Variants in COG6 observed in about 807,000 individuals in gnomAD.
The protein encoded by COG6 is component of oligomeric golgi complex 6.
COG6 carries 74 observed loss-of-function variants against 88.8 expected under a neutral mutation model. The observed-to-expected ratio is 0.83, with a 90% CI of 0.69 to 1.01. The LOEUF is 1.01. Ranked by LOEUF, COG6 falls within the 50% of genes least tolerant of loss-of-function variation. The probability of loss-of-function intolerance (pLI) is 0.00; values close to 1 mark genes in which losing one functional copy is unlikely to be tolerated. For missense variants in COG6, 800 were observed against 797.9 expected, an observed-to-expected ratio of 1.00 and a Z score of -0.03; for synonymous variants, 286 against 278.7, an observed-to-expected ratio of 1.03 and a Z score of -0.26.
At position 39,665,114 on chromosome 13, in the gene COG6, C is replaced by G. The variant is rs1259563970; in HGVS notation, c.388C>G (p.Gln130Glu). The change falls in exon 4 of 19, where the codon CAA becomes GAA. Residue 130 changes from glutamine to glutamate, a missense_variant. Gln to Glu is a conservative substitution (Grantham distance 29, BLOSUM62 2). Transcript: ENST00000455146. ...SRLQAAKEQT[Q>E]DLIVKTTKLQ... ...ATTTTAGGCAGCAAAGGAACAGACT[C>G]AAGATTTAATAGTAAAAACCACTAA... The G allele has an allele frequency of 6.7e-7, 1 of 1,498,072 alleles. No individual in the cohort carries two copies. Among genetic ancestry groups the G allele is most frequent in the Non-Finnish European group, 9.3e-7 (1 of 1,075,418 alleles). The allele number at this position is 1,498,072 out of a possible 1,614,324, so 92.8% of individuals were successfully genotyped here. A position where few individuals can be genotyped will look rare whatever the true frequency, so the allele number is the denominator to read the frequency against.
intron 13 of COG6, among the ~76,000 whole-genome samples, chr13:39,701,252 G>T (rs1877562031): frequency 6.6e-6 from 1 of 151,718 alleles, no homozygotes; most frequent in Admixed American, 6.6e-5. Context: ...CAAATATCTA[G>T]AATGCAGAAA....
At chr13:39,755,967 C>T (rs920248470), downstream of COG6, among the ~76,000 whole-genome samples, 2 of 152,090 alleles carry the variant, frequency 1.3e-5, no homozygotes, top group East Asian at 3.8e-4. Flanking sequence ...CAACAACAAA[C>T]GGGGTGGGGC....
intron 11 of COG6, among the ~76,000 whole-genome samples, chr13:39,690,805 G>A (rs1450199218): frequency 6.6e-6 from 1 of 151,674 alleles, no homozygotes; most frequent in African/African-American, 2.4e-5. Flanking sequence ...TAAATAAATG[G>A]CTAAGTATCT....
intron 13 of COG6, among the ~76,000 whole-genome samples, chr13:39,715,216 A>AT (rs1566192369): frequency 6.6e-6 from 1 of 151,736 alleles, no homozygotes; most frequent in Non-Finnish European, 1.5e-5. Context: ...TTAAAAAAAA[A>AT]TTTTTAAAGA....
At chr13:39,693,509 T>G (rs769115754) in intron 11 of COG6, among the ~76,000 whole-genome samples, 22 of 151,968 alleles carry the variant, frequency 1.4e-4, no homozygotes, top group Non-Finnish European at 2.5e-4. Flanking sequence ...AAATATCACT[T>G]TTATTGATGT....
In COG6 at chr13:39,694,637, C is replaced by T. The variant is rs746399220; in HGVS notation, c.1078C>T (p.Arg360Ter). ...TEGVCRPLKV[R>*]IEQVIVAEPG... ...TTCCTCTCACATATTTTAATAGGTTCGAATTGAGCAAGTAATAGTTGCTGA... is the reference window on the plus strand; with the variant it reads ...TTCCTCTCACATATTTTAATAGGTTTGAATTGAGCAAGTAATAGTTGCTGA... The change falls in exon 12 of 19, where the codon CGA (arginine) becomes TGA (stop). Residue 360 changes from arginine (R) to a stop codon, truncating the protein, a stop_gained. Coordinates refer to ENST00000455146, the MANE Select transcript of COG6 (RefSeq NM_020751.3). LOFTEE classifies it high-confidence loss of function. 3.8e-6 allele frequency: 6 copies of T among 1,579,380 alleles called. No individual in the cohort carries two copies. The highest frequency in any genetic ancestry group is 1.7e-5 in the Admixed American group (1 of 59,594).
At chr13:39,735,036 G>A (rs1258323904) in intron 18 of COG6, among the ~76,000 whole-genome samples, 1 of 151,396 alleles carries the variant, frequency 6.6e-6, no homozygotes, top group East Asian at 1.9e-4. Flanking sequence ...AGATTTTTGG[G>A]TCTTGTTTTT....
At chr13:39,750,434 A>G (rs1485233923) in intron 18 of COG6, among the ~76,000 whole-genome samples, 2 of 152,200 alleles carry the variant, frequency 1.3e-5, no homozygotes, top group African/African-American at 2.4e-5. Flanking sequence ...GTCACATTTT[A>G]GCTTGGGGTG....
At chr13:39,760,168 G>A (rs1880965678) in intron 18 of COG6, among the ~76,000 whole-genome samples, 3 of 152,170 alleles carry the variant, frequency 2.0e-5, no homozygotes, top group African/African-American at 7.2e-5. Flanking sequence ...CCTGTTTTGA[G>A]ATTGCCCCGA....
intron 13 of COG6, among the ~76,000 whole-genome samples, chr13:39,708,653 T>A (rs1319537678): frequency 2.6e-5 from 4 of 152,170 alleles, no homozygotes; most frequent in Non-Finnish European, 4.4e-5. Flanking sequence ...CCTTTGGCCT[T>A]GATCCGTGTC....
At chr13:39,735,877 G>A (rs1033100844) in intron 18 of COG6, among the ~76,000 whole-genome samples, 2 of 151,952 alleles carry the variant, frequency 1.3e-5, no homozygotes, top group Non-Finnish European at 2.9e-5. Context: ...AAAGTCTGCT[G>A]CCAGAATTAT....
intron 18 of COG6, among the ~76,000 whole-genome samples, chr13:39,774,042 T>C (rs1026601484): frequency 6.6e-6 from 1 of 152,114 alleles, no homozygotes. Context: ...CAGATCAGGA[T>C]GGTCAAATTG....
At chr13:39,741,443 G>A (rs3012154) in intron 18 of COG6, among the ~76,000 whole-genome samples, 39,609 of 151,968 alleles carry the variant, frequency 0.26, 5,197 homozygotes, top group African/African-American at 0.28. Context: ...ACCATGGCAC[G>A]AGAACTATGT....
chr13:39,755,351 A>G (rs1364761786), downstream of COG6, among the ~76,000 whole-genome samples: 1 of 152,010 alleles, frequency 6.6e-6, no homozygotes, highest in African/African-American at 2.4e-5. Flanking sequence ...GATTATCCTT[A>G]TTTGATCTGT....
intron 18 of COG6, among the ~76,000 whole-genome samples, chr13:39,742,763 A>G (rs1408326573): frequency 6.6e-6 from 1 of 152,176 alleles, no homozygotes; most frequent in Non-Finnish European, 1.5e-5. Context: ...CCTAATAGAC[A>G]TCTACAGAAC....
rs146612575 is a variant in COG6 at position 39,725,914 on chromosome 13, G to A, written c.1746+1353G>A. On this transcript the variant is annotated intron_variant, in intron 17 of 18. Coordinates refer to ENST00000455146, the MANE Select transcript of COG6 (RefSeq NM_020751.3). The stretch of plus-strand genomic sequence containing the variant: ...ACACTTAGATCTGTAACATTAGTTA[G>A]TACCAAATATATGTTCCCTTCCTCT... 2.0e-5 allele frequency among the ~76,000 whole-genome samples: 3 copies of A among 151,954 alleles called. No individual in the cohort carries two copies. In the East Asian group the frequency reaches 5.8e-4, roughly 29 times the overall value.
At chr13:39,772,349 C>A (rs532242667) in intron 18 of COG6, among the ~76,000 whole-genome samples, 1 of 152,314 alleles carries the variant, frequency 6.6e-6, no homozygotes, top group African/African-American at 2.4e-5. Flanking sequence ...ATTCAATAAA[C>A]ATCTCTTGAG....
At chr13:39,755,261 G>A (rs183757003), downstream of COG6, among the ~76,000 whole-genome samples, 1 of 152,202 alleles carries the variant, frequency 6.6e-6, no homozygotes, top group African/African-American at 2.4e-5. Context: ...TCCATACCTT[G>A]CTCCCTAGTT....
At chr13:39,755,625 C>A (rs1399485110), downstream of COG6, among the ~76,000 whole-genome samples, 7 of 152,164 alleles carry the variant, frequency 4.6e-5, no homozygotes, top group Admixed American at 1.3e-4. Flanking sequence ...ATGTTTAGGA[C>A]TGTGTGCATG....
Sources: gnomAD v4.1 joint callset for allele counts (sites outside exome capture counted in the v4.1 genomes callset) on GRCh38, gnomAD v4.1.1 for gene constraint, MANE v1.5 for transcripts, NCBI Gene and HGNC (gene_info 2026-07-23, HGNC 2026-07-21) for gene names.